The following ATAD5 variants were observed in gnomAD, a reference collection of about 807,000 sequenced individuals.
The protein encoded by ATAD5 is ATPase family AAA domain-containing protein 5.
Under a neutral mutation model 176.9 loss-of-function variants are expected in ATAD5, and 58 were observed. The observed-to-expected ratio is 0.33, with a 90% CI of 0.27 to 0.41. The LOEUF (loss-of-function observed/expected upper bound fraction) is 0.41, where lower values mean the gene tolerates loss of function less well. Among genes scored for constraint, ATAD5 ranks in the 10% least tolerant of loss-of-function variants. The probability of loss-of-function intolerance (pLI) is 1.00; values close to 1 mark genes in which losing one functional copy is unlikely to be tolerated. For synonymous variants in ATAD5, 640 were observed against 712.6 expected, an observed-to-expected ratio of 0.90 and a Z score of 1.62; for missense variants, 1,789 against 2,094.1, an observed-to-expected ratio of 0.85 and a Z score of 2.84.
At chr17:30,857,341 G>A (rs552091514) in intron 8 of ATAD5, among the ~76,000 whole-genome samples, 2 of 151,410 alleles carry the variant, frequency 1.3e-5, no homozygotes, top group South Asian at 4.2e-4. Flanking sequence ...TCAGCCTCCC[G>A]AGTAGCTGGG....
Position 30,847,717 on chromosome 17 carries a change from A to ATT in ATAD5, c.2450+2820_2450+2821dup, listed in dbSNP as rs755487967. On this transcript the variant is annotated intron_variant, in intron 6 of 22. Transcript: ENST00000321990. ...TATTATTAAATAGACTGCTATGAAC[A>ATT]TTTTTTTTTTTTTTTTTTTTGAGAC... 4.0e-3 allele frequency among the ~76,000 whole-genome samples: 407 copies of ATT among 101,660 alleles called. 14 individuals carry two copies. The highest frequency in any genetic ancestry group is 0.012 in the African/African-American group (356 of 28,698). The allele number at this position is 101,660 out of a possible 152,430, so 66.7% of individuals were successfully genotyped here.
At chr17:30,851,170 TG>T (rs1238696338) in intron 6 of ATAD5, among the ~76,000 whole-genome samples, 1 of 145,384 alleles carries the variant, frequency 6.9e-6, no homozygotes, top group Non-Finnish European at 1.5e-5. Flanking sequence ...ATTATAGGCG[TG>T]AGCCACCGTG....
chr17:30,865,731 C>A lies in ATAD5; in HGVS notation c.3164C>A (p.Thr1055Lys). 6.3e-7 allele frequency: 1 copy of A among 1,575,438 alleles called. No homozygotes were observed. The highest frequency in any genetic ancestry group is 1.9e-5 in the Admixed American group (1 of 52,262). ...KDSGTEDMLWTEKYQPQTASE... is the reference protein window; with the variant it reads ...KDSGTEDMLWKEKYQPQTASE... ...TCTGGAACTGAAGACATGCTTTGGA[C>A]AGAAAAGTATCAACCTCAGACTGCC... The change falls in exon 11 of 23, where the codon ACA becomes AAA. Residue 1055 changes from threonine to lysine, a missense_variant. Physicochemically the swap from Thr to Lys is moderately conservative, Grantham distance 78 (BLOSUM62 -1). Around this residue, in one of 6 missense-constraint regions of ATAD5, gnomAD observed 487 missense variants for 573.6 expected, o/e 0.85. Transcript: ENST00000321990.
intron 6 of ATAD5, 134 bp downstream of exon 6, chr17:30,845,050 T>A: frequency 1.3e-6 from 1 of 796,642 alleles, no homozygotes; most frequent in South Asian, 1.9e-5. Context: ...GTTGACAATA[T>A]TGACAGTGCT....
chr17:30,850,978 A>C (rs1283201468), intron 6 of ATAD5, among the ~76,000 whole-genome samples: 9 of 134,764 alleles, frequency 6.7e-5, no homozygotes, highest in Non-Finnish European at 1.2e-4. Flanking sequence ...TCTGCCTCCC[A>C]GGCTCAAGCA....
At chr17:30,837,516 C>T (rs1304893796) in intron 3 of ATAD5, among the ~76,000 whole-genome samples, 1 of 152,154 alleles carries the variant, frequency 6.6e-6, no homozygotes, top group African/African-American at 2.4e-5. Flanking sequence ...GAGGTGAAAG[C>T]AATTGATAAA....
chr17:30,866,352 C>T (rs1027216398), intron 11 of ATAD5, among the ~76,000 whole-genome samples: 17 of 150,752 alleles, frequency 1.1e-4, no homozygotes, highest in Non-Finnish European at 1.5e-5. Flanking sequence ...GGTGCACCGC[C>T]ATGCCAGGCT....
At chr17:30,873,758 C>T (rs893684261) in intron 14 of ATAD5, among the ~76,000 whole-genome samples, 2 of 145,474 alleles carry the variant, frequency 1.4e-5, no homozygotes, top group African/African-American at 5.2e-5. Flanking sequence ...GTGATGCAAT[C>T]ATAGCTCATT....
rs568926703 is a variant in ATAD5 at position 30,895,244 on chromosome 17, G to C, written c.*331G>C. 8.3e-5 allele frequency: 14 copies of C among 169,086 alleles called. No homozygotes were observed. The highest frequency in any genetic ancestry group is 2.5e-4 in the Admixed American group (4 of 16,046). 10.5% of individuals were successfully genotyped at this position (169,086 alleles called of 1,614,324 possible). On this transcript the variant is annotated 3_prime_UTR_variant, in exon 23 of 23. Transcript: ENST00000321990. ...ATATTATATATTAGCTTAATATTCA[G>C]ATACATTATCTTGGCTGCTAACATT...
chr17:30,844,219 C>T (rs112304437), intron 5 of ATAD5, among the ~76,000 whole-genome samples, 180 bp downstream of exon 5: 167 of 152,238 alleles, frequency 1.1e-3, no homozygotes, highest in African/African-American at 3.9e-3. Flanking sequence ...GCAGCCTCCA[C>T]CTCCTAAGTT....
intron 14 of ATAD5, 199 bp downstream of exon 14, chr17:30,869,845 C>G: frequency 1.7e-6 from 1 of 574,658 alleles, no homozygotes; most frequent in South Asian, 2.3e-5. Flanking sequence ...ATATTTATCT[C>G]TATCTGATAA....
chr17:30,869,738 T>G, intron 14 of ATAD5, 92 bp downstream of exon 14: 2 of 1,409,072 alleles, frequency 1.4e-6, no homozygotes, highest in Non-Finnish European at 1.9e-6. Context: ...CCATTTATTT[T>G]TTATCTTCTA....
rs1567703652 is a variant in ATAD5, at chr17:30,895,225, T to A, written c.*312T>A. 1.6e-5 allele frequency: 3 copies of A among 183,996 alleles called. No homozygotes were observed. 11.4% of individuals were successfully genotyped at this position (183,996 alleles called of 1,614,324 possible). On this transcript the variant is annotated 3_prime_UTR_variant, in exon 23 of 23. Transcript: ENST00000321990. Reference sequence around the variant, plus strand: ...CTCCCTATTTCAAGTGTTTATATTATATATTAGCTTAATATTCAGATACAT... The same window carrying A: ...CTCCCTATTTCAAGTGTTTATATTAAATATTAGCTTAATATTCAGATACAT...
At chr17:30,879,719 C>G (rs9906233) in intron 18 of ATAD5, among the ~76,000 whole-genome samples, 15,946 of 151,854 alleles carry the variant, frequency 0.11, 948 homozygotes, top group South Asian at 0.24. Flanking sequence ...CCTGCCACCA[C>G]GCCCGGCTAA....
chr17:30,889,053 C>CT (rs770754591), intron 19 of ATAD5, among the ~76,000 whole-genome samples: 27 of 142,330 alleles, frequency 1.9e-4, no homozygotes, highest in Non-Finnish European at 3.9e-4. Context: ...GAGTGAGACT[C>CT]TGTCTCAAAA....
At position 30,858,278 on chromosome 17, in the gene ATAD5, C is replaced by A. The variant is rs377548308; in HGVS notation, c.2911C>A (p.Gln971Lys). 1.8e-5 allele frequency: 28 copies of A among 1,584,390 alleles called. 1 individual carries two copies. The highest frequency in any genetic ancestry group is 3.4e-4 in the Middle Eastern group (2 of 5,948). The change falls in exon 9 of 23, where the codon CAA becomes AAA. Residue 971 changes from glutamine (Q) to lysine (K), a missense_variant. By Grantham distance (53) the Gln-to-Lys change is moderately conservative. Transcript: ENST00000321990. The part of the protein sequence containing the change: ...KKYFPLLLKK[Q>K]IEHQVLSSEC... ...ATATTTTCCCTTACTCCTAAAAAAA[C>A]AAATTGAGCACCAAGTACTTTCTTC...
chr17:30,885,934 AT>A (rs1324062442), intron 18 of ATAD5, among the ~76,000 whole-genome samples: 1 of 151,866 alleles, frequency 6.6e-6, no homozygotes, highest in Non-Finnish European at 1.5e-5. Flanking sequence ...TTTTCTTAGA[AT>A]TTTTATCAAG....
At chr17:30,856,090 T>G (rs1849877442) in intron 7 of ATAD5, among the ~76,000 whole-genome samples, 2 of 152,198 alleles carry the variant, frequency 1.3e-5, no homozygotes, top group East Asian at 3.8e-4. Flanking sequence ...TTTGATAAAC[T>G]CATTTTCACA....
chr17:30,852,691 C>T, intron 6 of ATAD5, among the ~76,000 whole-genome samples: 1 of 151,986 alleles, frequency 6.6e-6, no homozygotes, highest in East Asian at 1.9e-4. Flanking sequence ...GAAGGGAGAG[C>T]AGGCCTGTCA....
Sources: gnomAD v4.1 joint callset for allele counts (sites outside exome capture counted in the v4.1 genomes callset) on GRCh38, gnomAD v4.1.1 for gene constraint, gnomAD v4.1.1 regional missense constraint, MANE v1.5 for transcripts, NCBI Gene and HGNC (gene_info 2026-07-23, HGNC 2026-07-21) for gene names.